Variants in SPATA13 observed in about 807,000 individuals in gnomAD.
SPATA13 encodes the protein spermatogenesis associated 13, also known as spermatogenesis-associated protein 13.
SPATA13 carries 50 observed loss-of-function variants against 104.0 expected under a neutral mutation model. That is an observed-to-expected ratio of 0.48 (90% CI 0.38 to 0.61). SPATA13 has a LOEUF of 0.61. SPATA13 is among the 20% of genes least tolerant of loss of function. The pLI, the probability that SPATA13 is intolerant of heterozygous loss-of-function variation, is 0.00. For missense variants in SPATA13, 1,524 were observed against 1,690.6 expected (o/e 0.90, Z 1.73); for synonymous variants, 606 against 667.5 (o/e 0.91, Z 1.42).
At chr13:24,247,151 C>A (rs1283230080) in intron 2 of SPATA13, among the ~76,000 whole-genome samples, 1 of 152,118 alleles carries the variant, frequency 6.6e-6, no homozygotes, top group African/African-American at 2.4e-5. Context: ...AGCTCAAAAT[C>A]ATTTGTATGC....
intron 3 of SPATA13, among the ~76,000 whole-genome samples, chr13:24,119,115 G>A (rs1392118943): frequency 1.3e-5 from 2 of 152,008 alleles, no homozygotes; most frequent in African/African-American, 2.4e-5. Flanking sequence ...TACCATGTTA[G>A]CCAGGATGGT....
intron 3 of SPATA13, among the ~76,000 whole-genome samples, chr13:24,036,788 G>A (rs1877699749): frequency 6.6e-6 from 1 of 151,858 alleles, no homozygotes; most frequent in Non-Finnish European, 1.5e-5. Flanking sequence ...CACTCATTTG[G>A]CCCTTAGTAA....
At chr13:23,993,623 C>T (rs1875521747) in intron 2 of SPATA13, among the ~76,000 whole-genome samples, 1 of 152,156 alleles carries the variant, frequency 6.6e-6, no homozygotes, top group Non-Finnish European at 1.5e-5. Context: ...TCCCACAGAC[C>T]CCTGCGTGAC....
chr13:24,096,232 G>T (rs1393155506), intron 3 of SPATA13, among the ~76,000 whole-genome samples: 1 of 152,146 alleles, frequency 6.6e-6, no homozygotes, highest in East Asian at 1.9e-4. Context: ...GTCTCGGGAG[G>T]ATATCAACAT....
chr13:24,132,463 G>A (rs575618509), intron 3 of SPATA13, among the ~76,000 whole-genome samples: 41 of 152,362 alleles, frequency 2.7e-4, no homozygotes, highest in South Asian at 1.2e-3. Flanking sequence ...CCTTATTTAT[G>A]AGTGTGTGAC....
chr13:24,001,445 G>T (rs534418415), intron 2 of SPATA13, among the ~76,000 whole-genome samples: 1 of 152,066 alleles, frequency 6.6e-6, no homozygotes, highest in Non-Finnish European at 1.5e-5. Flanking sequence ...GGGTTCGGTG[G>T]GGCTGGAAGT....
intron 3 of SPATA13, among the ~76,000 whole-genome samples, chr13:24,052,501 T>C (rs1206084381): frequency 6.6e-6 from 1 of 151,782 alleles, no homozygotes; most frequent in Non-Finnish European, 1.5e-5. Context: ...GTTTTTTTTT[T>C]TCTTTTAAAC....
At chr13:24,150,471 C>T (rs1431594458) in intron 3 of SPATA13, among the ~76,000 whole-genome samples, 1 of 152,216 alleles carries the variant, frequency 6.6e-6, no homozygotes, top group Non-Finnish European at 1.5e-5. Context: ...CTGTTTCTAA[C>T]TTCCCATCCA....
At chr13:24,158,588 A>G (rs1882332354), upstream of SPATA13, among the ~76,000 whole-genome samples, 1 of 152,168 alleles carries the variant, frequency 6.6e-6, no homozygotes, top group Admixed American at 6.5e-5. Context: ...GCCTTCCTCT[A>G]ATAGATTTGT....
intron 2 of SPATA13, among the ~76,000 whole-genome samples, chr13:24,234,022 C>G (rs1396984874): frequency 6.6e-6 from 1 of 152,042 alleles, no homozygotes; most frequent in Non-Finnish European, 1.5e-5. Flanking sequence ...AGAATAGTTT[C>G]TCTAGTGAGA....
chr13:24,057,467 A>G (rs1291773087), intron 3 of SPATA13, among the ~76,000 whole-genome samples: 2 of 151,974 alleles, frequency 1.3e-5, no homozygotes, highest in East Asian at 1.9e-4. Context: ...TTGACAGGGC[A>G]TTTTCTGAGT....
At chr13:24,162,953 T>C (rs4769332) in intron 1 of SPATA13, among the ~76,000 whole-genome samples, 134,544 of 152,288 alleles carry the variant, frequency 0.88, 60,722 homozygotes, top group East Asian at 0.99. Flanking sequence ...GTGGAGGACA[T>C]GAATTCTATA....
intron 2 of SPATA13, among the ~76,000 whole-genome samples, chr13:24,004,034 T>C (rs1478699098): frequency 6.6e-6 from 1 of 152,190 alleles, no homozygotes; most frequent in Non-Finnish European, 1.5e-5. Flanking sequence ...AAGTTGACTC[T>C]TGTCTCCTTG....
chr13:24,295,968 C>T (rs1237789583), intron 10 of SPATA13, among the ~76,000 whole-genome samples: 1 of 152,178 alleles, frequency 6.6e-6, no homozygotes, highest in Non-Finnish European at 1.5e-5. Flanking sequence ...TGCTGGTGAT[C>T]ACTGTGCTCT....
At chr13:24,276,845 A>G (rs1480934481) in intron 4 of SPATA13, among the ~76,000 whole-genome samples, 1 of 152,176 alleles carries the variant, frequency 6.6e-6, no homozygotes, top group Non-Finnish European at 1.5e-5. Flanking sequence ...TGTAGAGGTG[A>G]AGAAGGCAGC....
intron 2 of SPATA13, among the ~76,000 whole-genome samples, chr13:24,013,346 CTG>C (rs1213225159): frequency 6.6e-6 from 1 of 152,214 alleles, no homozygotes; most frequent in East Asian, 1.9e-4. Flanking sequence ...CCCTCACCCA[CTG>C]GGCTGACGAT....
In SPATA13 at chr13:24,222,744, G is replaced by A. The variant is rs74998801; in HGVS notation, c.-111-75G>A. The A allele has an allele frequency of 1.9e-5, 24 of 1,282,158 alleles. 1 individual carries two copies. The highest frequency in any genetic ancestry group is 5.1e-5 in the East Asian group (2 of 39,106). The allele number at this position is 1,282,158 out of a possible 1,614,324, so 79.4% of individuals were successfully genotyped here. On this transcript the variant is annotated intron_variant, in intron 1 of 12. Transcript: ENST00000382108. ...CATCTGACCAGCCCTGTGCTGGAGCGTGCCTCTTCTTCTGTGAGCAGAGGG... is the reference window on the plus strand; with the variant it reads ...CATCTGACCAGCCCTGTGCTGGAGCATGCCTCTTCTTCTGTGAGCAGAGGG...
chr13:24,125,859 G>T (rs1384845061), intron 3 of SPATA13, among the ~76,000 whole-genome samples: 1 of 152,190 alleles, frequency 6.6e-6, no homozygotes, highest in Non-Finnish European at 1.5e-5. Flanking sequence ...CAATTAACTG[G>T]AAGAGTAAGG....
upstream of SPATA13, among the ~76,000 whole-genome samples, chr13:24,158,806 G>A (rs978380612): frequency 6.6e-6 from 1 of 152,134 alleles, no homozygotes; most frequent in African/African-American, 2.4e-5. Flanking sequence ...GCTCACTGAC[G>A]AGGAAGCTGA....
Sources: gnomAD v4.1 joint callset for allele counts (sites outside exome capture counted in the v4.1 genomes callset) on GRCh38, gnomAD v4.1.1 for gene constraint, MANE v1.5 for transcripts, NCBI Gene and HGNC (gene_info 2026-07-23, HGNC 2026-07-21) for gene names.